The following TET3 variants were observed in gnomAD, a reference collection of about 807,000 sequenced individuals.
TET3 encodes methylcytosine dioxygenase TET3.
TET3 carries 19 observed loss-of-function variants against 141.4 expected under a neutral mutation model. That is an observed-to-expected ratio of 0.13 (90% CI 0.09 to 0.20). The LOEUF (loss-of-function observed/expected upper bound fraction) is 0.20. Among genes scored for constraint, TET3 ranks in the 10% least tolerant of loss-of-function variants. TET3 has a pLI of 1.00. For synonymous variants in TET3, 1,043 were observed against 980.9 expected (o/e 1.06, Z -1.18); for missense variants, 1,874 against 2,356.9 (o/e 0.80, Z 4.24).
rs1244510872 is a variant in TET3, at chr2:74,087,640, A to G, written c.2680-190A>G. The stretch of plus-strand genomic sequence containing the variant: ...GTTCCCTAACAAAACATTTGTTCCT[A>G]ATAATGTTCCCTATTTGTTCCCTAA... On this transcript the variant is annotated intron_variant, in intron 6 of 11. Transcript: ENST00000409262. This position sits in a 1 kb window ranked among gnomAD's most constrained non-coding sequence, Gnocchi z 4.3. 2.6e-5 allele frequency among the ~76,000 whole-genome samples: 4 copies of G among 152,140 alleles called. No homozygotes were observed. The highest frequency in any genetic ancestry group is 1.3e-4 in the Admixed American group (2 of 15,290).
chr2:74,063,749 T>C (rs1193861350), intron 4 of TET3, among the ~76,000 whole-genome samples: 1 of 152,048 alleles, frequency 6.6e-6, no homozygotes, highest in African/African-American at 2.4e-5. Flanking sequence ...TACCATATTG[T>C]GCAGTTAAAA....
At position 74,080,480 on chromosome 2, in the gene TET3, T is replaced by A; in HGVS notation, c.2586-18T>A. On this transcript the variant is annotated intron_variant, in intron 5 of 11. Transcript: ENST00000409262. ...GGGGTTCTGCTGTGCTAATGGTGGC[T>A]TCTGTCTCCCTCTTCAGGTATGGAG... The A allele has an allele frequency of 6.2e-7, 1 of 1,607,930 alleles. No individual in the cohort carries two copies. Among genetic ancestry groups the A allele is most frequent in the Non-Finnish European group, 8.5e-7 (1 of 1,176,700 alleles).
Position 74,047,686 on chromosome 2 carries a change from T to G in TET3, c.1769T>G (p.Val590Gly). The G allele has an allele frequency of 1.2e-6, 2 of 1,613,290 alleles. No homozygotes were observed. Among genetic ancestry groups the G allele is most frequent in the South Asian group, 2.2e-5 (2 of 90,974 alleles). The part of the protein sequence containing the change: ...KKLPTPAGGP[V>G]GTEKAAPGIK... ...CTCCCAACACCAGCTGGAGGTCCCG[T>G]GGGAACGGAGAAAGCTGCCCCTGGG... Residue 590 changes from valine to glycine, a missense_variant, in exon 4 of 12, where the codon GTG (valine) becomes GGG (glycine). By Grantham distance (109) the Val-to-Gly change is moderately radical (BLOSUM62 -3). Coordinates refer to ENST00000409262, the MANE Select transcript of TET3 (RefSeq NM_001287491.2).
At chr2:74,129,461 C>A in the TET3 span, among the ~76,000 whole-genome samples, 3 of 149,700 alleles carry the variant, frequency 2.0e-5, no homozygotes, top group Non-Finnish European at 3.0e-5. Flanking sequence ...GGTGAAACCT[C>A]GTCTCTACAA....
chr2:74,009,801 C>T (rs891774520), intron 3 of TET3, among the ~76,000 whole-genome samples: 2 of 152,186 alleles, frequency 1.3e-5, no homozygotes, highest in Non-Finnish European at 2.9e-5. Flanking sequence ...GTGTAAGATG[C>T]CAGGGGGCTG....
intron 10 of TET3, among the ~76,000 whole-genome samples, chr2:74,095,467 G>GT (rs913330587): frequency 8.5e-5 from 13 of 152,142 alleles, no homozygotes; most frequent in African/African-American, 2.7e-4. Context: ...GAAAAGTATT[G>GT]TTTTTTCCTA....
In TET3 at chr2:74,101,867, C is replaced by T. The variant is rs1691239356; in HGVS notation, c.5079C>T (p.Phe1693=). Residue 1693 remains phenylalanine, a synonymous_variant, in exon 12 of 12, where the codon TTC becomes TTT. Coordinates refer to ENST00000409262, the MANE Select transcript of TET3 (RefSeq NM_001287491.2). The surrounding 1 kb of genome is among the most constrained non-coding windows in gnomAD (Gnocchi z 8.5). ...RCHPTRISLV[F]YQHKNLNQPN... is the part of the protein sequence containing the mutation. ...ACCCCACCCGCATCTCGCTGGTCTT[C>T]TACCAGCACAAGAACCTCAACCAGC... is the stretch of plus-strand genomic sequence containing the variant. 3 of 1,613,150 alleles carry T rather than the reference C, an allele frequency of 1.9e-6. No homozygotes were observed. The highest frequency in any genetic ancestry group is 2.7e-5 in the African/African-American group (2 of 74,908).
At chr2:73,984,025 C>A (rs901622319), upstream of TET3, among the ~76,000 whole-genome samples, 10 of 152,250 alleles carry the variant, frequency 6.6e-5, no homozygotes, top group Non-Finnish European at 1.3e-4. The surrounding 1 kb of genome is among the most constrained non-coding windows in gnomAD (Gnocchi z 5.6). Flanking sequence ...TGGAAATATT[C>A]CTGAGCCCTG....
chr2:74,122,511 A>ATTTTTTTTTTTTTTTTTT, the TET3 span: 1 of 47,556 alleles, frequency 2.1e-5, no homozygotes. Context: ...ATATATATAT[A>ATTTTTTTTTTTTTTTTTT]TTTTTTTTTT....
In TET3 at chr2:74,104,938, C is replaced by T. The variant is rs1462759879; in HGVS notation, c.*2762C>T. On this transcript the variant is annotated 3_prime_UTR_variant, in exon 12 of 12. Transcript: ENST00000409262. Reference sequence around the variant, plus strand: ...GCGGTGTGGTTGCCGTGCTCAAGCCCATGCTGATTTGTACACTACATGTCT... The same window carrying T: ...GCGGTGTGGTTGCCGTGCTCAAGCCTATGCTGATTTGTACACTACATGTCT... 1.1e-5 allele frequency: 4 copies of T among 377,222 alleles called. No individual in the cohort carries two copies. The highest frequency in any genetic ancestry group is 8.3e-5 in the African/African-American group (4 of 48,236). 23.4% of individuals were successfully genotyped at this position (377,222 alleles called of 1,614,324 possible).
At chr2:74,050,375 C>G (rs2103723784) in intron 4 of TET3, among the ~76,000 whole-genome samples, 1 of 152,124 alleles carries the variant, frequency 6.6e-6, no homozygotes, top group South Asian at 2.1e-4. Flanking sequence ...ACAAGAGTGT[C>G]AGCTGTTATC....
At chr2:74,002,662 G>A (rs978955588) in intron 2 of TET3, 17 of 390,630 alleles carry the variant, frequency 4.4e-5, no homozygotes, top group African/African-American at 3.3e-4. Context: ...CCGCCCCCTC[G>A]CACACCAGCC....
At chr2:74,113,342 C>T in the TET3 span, among the ~76,000 whole-genome samples, 116 of 152,192 alleles carry the variant, frequency 7.6e-4, no homozygotes, top group African/African-American at 2.7e-3. Context: ...GCGGAGATCA[C>T]GCCACTGTAC....
chr2:74,066,894 A>G (rs1266307054), intron 4 of TET3, among the ~76,000 whole-genome samples: 2 of 152,168 alleles, frequency 1.3e-5, no homozygotes, highest in African/African-American at 2.4e-5. Context: ...CAAAAGCTAC[A>G]TGATGTTTCT....
chr2:74,063,904 A>AT (rs1232012354), intron 4 of TET3, among the ~76,000 whole-genome samples: 1 of 151,960 alleles, frequency 6.6e-6, no homozygotes, highest in Non-Finnish European at 1.5e-5. Flanking sequence ...AAAAAAAAAA[A>AT]AAAAATAAGT....
Position 74,101,124 on chromosome 2 carries a change from C to G in TET3, c.4336C>G (p.Pro1446Ala), listed in dbSNP as rs781407750. 2.5e-6 allele frequency: 4 copies of G among 1,613,624 alleles called. No individual in the cohort carries two copies. The South Asian group carries it at 4.4e-5, about 18-fold the overall frequency. The change falls in exon 12 of 12, where the codon CCC (proline) becomes GCC (alanine). Residue 1446 changes from proline to alanine, a missense_variant. Physicochemically the swap from Pro to Ala is conservative, Grantham distance 27 (BLOSUM62 -1). This residue lies in a region of TET3 where 602 missense variants were observed against 590.2 expected (regional missense o/e 1.02). Coordinates refer to ENST00000409262, the MANE Select transcript of TET3 (RefSeq NM_001287491.2). The surrounding 1 kb of genome is among the most constrained non-coding windows in gnomAD (Gnocchi z 8.5). ...GTACTCAGGAGGCCCAAGCATGTCC[C>G]CCAAGAGGACTAACGGTGTGGGTGG... Reference protein sequence around the residue: ...GQYSGGPSMSPKRTNGVGGSW... With the variant: ...GQYSGGPSMSAKRTNGVGGSW...
chr2:74,061,717 CGGA>C (rs1558759191), intron 4 of TET3, among the ~76,000 whole-genome samples: 1 of 142,916 alleles, frequency 7.0e-6, no homozygotes, highest in African/African-American at 2.7e-5. Flanking sequence ...AGCTGCCGGG[CGGA>C]GGGGCTCCTC....
In TET3 at chr2:74,080,741, A is replaced by G. The variant is rs368577381; in HGVS notation, c.2679+150A>G. 9.0e-6 allele frequency: 6 copies of G among 668,042 alleles called. No homozygotes were observed. The East Asian group carries it at 1.8e-4, about 20-fold the overall frequency. The allele number at this position is 668,042 out of a possible 1,614,324, so 41.4% of individuals were successfully genotyped here. On this transcript the variant is annotated intron_variant, in intron 6 of 11. Transcript: ENST00000409262. ...TGGGTGTGTAGGAGACAACATGTTG[A>G]CTGTCCAGGGGAGCCTTAGAGCTGG...
downstream of TET3, among the ~76,000 whole-genome samples, chr2:74,111,536 C>A (rs749083439): frequency 8.2e-4 from 125 of 152,218 alleles, no homozygotes; most frequent in Non-Finnish European, 1.3e-3. Flanking sequence ...CTATGCACTG[C>A]ACAACTCTGG....
Sources: allele counts gnomAD v4.1 joint callset (sites outside exome capture counted in the v4.1 genomes callset), GRCh38; gene constraint gnomAD v4.1.1; regional missense constraint gnomAD v4.1.1; non-coding constraint Gnocchi (gnomAD v3.1); transcripts MANE v1.5; gene names NCBI Gene and HGNC (gene_info 2026-07-23, HGNC 2026-07-21).